TPM1: variants seen among roughly 807,000 people sequenced by gnomAD.
TPM1 encodes the protein tropomyosin alpha-1 chain.
TPM1 carries 24 observed loss-of-function variants against 42.9 expected under a neutral mutation model. The ratio of observed to expected loss-of-function variants is 0.56; its 90% CI spans 0.41 to 0.79. TPM1 has a LOEUF of 0.79. TPM1 is among the 30% of genes least tolerant of loss of function. TPM1 has a pLI of 0.00. For synonymous variants in TPM1, 136 were observed against 130.1 expected (o/e 1.05, Z -0.31); for missense variants, 158 against 351.8 (o/e 0.45, Z 4.41).
At chr15:63,062,396 C>A (rs1041229460) in intron 7 of TPM1, 119 bp downstream of exon 7, 3 of 1,302,626 alleles carry the variant, frequency 2.3e-6, no homozygotes, top group East Asian at 2.4e-5. Flanking sequence ...ATTCAAAGGT[C>A]GCCTTGGAGT....
chr15:63,043,528 G>A, intron 1 of TPM1: 1 of 1,008,030 alleles, frequency 9.9e-7, no homozygotes, highest in South Asian at 1.4e-5. Flanking sequence ...TGGGTGTGCG[G>A]GGTGAGCCGC....
At chr15:63,052,717 C>T (rs2034133163) in intron 2 of TPM1, among the ~76,000 whole-genome samples, 1 of 151,824 alleles carries the variant, frequency 6.6e-6, no homozygotes, top group African/African-American at 2.4e-5. Flanking sequence ...TAAGACTCCC[C>T]AGGTGCCATG....
chr15:63,062,751 C>T, intron 8 of TPM1, 106 bp downstream of exon 8: 2 of 1,586,782 alleles, frequency 1.3e-6, no homozygotes, highest in Non-Finnish European at 1.7e-6. Context: ...CTCCTTTGCA[C>T]TTGCACATTC....
intron 2 of TPM1, chr15:63,049,141 G>A: frequency 4.7e-6 from 1 of 215,032 alleles, no homozygotes; most frequent in Non-Finnish European, 9.6e-6. Flanking sequence ...AGGTCAAGTG[G>A]GAGAGGCACT....
chr15:63,050,641 T>A (rs1485180631), intron 2 of TPM1, among the ~76,000 whole-genome samples: 1 of 152,274 alleles, frequency 6.6e-6, no homozygotes, highest in South Asian at 2.1e-4. Context: ...TCAATTTTTT[T>A]AAGTAATCTT....
chr15:63,062,237 A>G lies in TPM1; in HGVS notation c.662A>G (p.Tyr221Cys). 6.2e-7 allele frequency: 1 copy of G among 1,614,178 alleles called. No individual in the cohort carries two copies. Among genetic ancestry groups the G allele is most frequent in the East Asian group, 2.2e-5 (1 of 44,868 alleles). Residue 221 changes from tyrosine (Y) to cysteine (C), a missense_variant, in exon 7 of 10, where the codon TAT becomes TGT. Physicochemically the swap from Tyr to Cys is radical, Grantham distance 194 (BLOSUM62 -2). Transcript: ENST00000403994. ...CAGTACTCGCAGAAGGAAGACAGAT[A>G]TGAGGAAGAGATCAAGGTCCTTTCC... ...AEKYSQKEDR[Y>C]EEEIKVLSDK...
At chr15:63,059,996 G>T in intron 4 of TPM1, 1 of 347,066 alleles carries the variant, frequency 2.9e-6, no homozygotes, top group South Asian at 2.3e-5. Context: ...TGTGAAAGGA[G>T]GCTCTCATGC....
chr15:63,068,343 C>G (rs1413997506), downstream of TPM1, among the ~76,000 whole-genome samples: 1 of 152,174 alleles, frequency 6.6e-6, no homozygotes, highest in Non-Finnish European at 1.5e-5. Flanking sequence ...TGACTGGGAG[C>G]TCCCTGGAGG....
chr15:63,048,672 C>T, intron 2 of TPM1: 1 of 1,539,346 alleles, frequency 6.5e-7, no homozygotes, highest in Non-Finnish European at 8.7e-7. Context: ...CACCCTGCAG[C>T]GCGAGCTGGA....
chr15:63,057,213 G>T (rs2034945120), intron 3 of TPM1, 95 bp downstream of exon 3: 22 of 1,547,360 alleles, frequency 1.4e-5, no homozygotes, highest in Non-Finnish European at 1.9e-5. Flanking sequence ...GAATTTTTCA[G>T]TCCCCTGGTG....
intron 4 of TPM1, 144 bp downstream of exon 4, chr15:63,059,824 T>A (rs1423314011): frequency 5.0e-6 from 3 of 603,494 alleles, no homozygotes; most frequent in Non-Finnish European, 9.2e-6. Flanking sequence ...AGTTCCTTTG[T>A]GTCCAGAAAA....
intron 2 of TPM1, chr15:63,044,353 C>T (rs932222400): frequency 1.3e-6 from 1 of 780,082 alleles, no homozygotes. Flanking sequence ...CTCCTCTCTT[C>T]TTCTCCTTTC....
chr15:63,069,926 G>T (rs1278964065), downstream of TPM1: 2 of 1,614,066 alleles, frequency 1.2e-6, no homozygotes, highest in Non-Finnish European at 1.7e-6. Context: ...ACTAAAGCTG[G>T]CCCTGAATGA....
chr15:63,061,774 G>T lies in TPM1; in HGVS notation c.625G>T (p.Ala209Ser), dbSNP rs730881159. Residue 209 changes from alanine to serine, a missense_variant, in exon 6 of 10, where the codon GCT becomes TCT. Physicochemically the swap from Ala to Ser is moderately conservative, Grantham distance 99. This residue lies in a region of TPM1 where 64 missense variants were observed against 95.8 expected (regional missense o/e 0.67). Coordinates refer to ENST00000403994, the MANE Select transcript of TPM1 (RefSeq NM_001018005.2). ...TVTNNLKSLE[A>S]QAEKYSQKED... ...GACGAACAACTTGAAGTCACTGGAG[G>T]CTCAGGCTGAGAAGGTAGGCCAGGA... The T allele has an allele frequency of 6.2e-7, 1 of 1,614,138 alleles. No homozygotes were observed. The highest frequency in any genetic ancestry group is 8.5e-7 in the Non-Finnish European group (1 of 1,179,992).
chr15:63,068,951 A>G (rs1389185239), downstream of TPM1, among the ~76,000 whole-genome samples: 2 of 151,814 alleles, frequency 1.3e-5, no homozygotes, highest in Admixed American at 6.6e-5. Context: ...GATTGAGACC[A>G]TTCTGGCTAA....
At chr15:63,065,425 G>A (rs1223952598) in intron 9 of TPM1, 29 of 1,026,970 alleles carry the variant, frequency 2.8e-5, no homozygotes, top group Non-Finnish European at 3.3e-5. Flanking sequence ...TGCTGCCTTA[G>A]AGGTTATAGA....
intron 3 of TPM1, 28 bp from the exon 4 acceptor site, chr15:63,059,535 G>C (rs1470712547): frequency 6.3e-7 from 1 of 1,577,158 alleles, no homozygotes; most frequent in Non-Finnish European, 8.7e-7. Context: ...TCTAAATCTT[G>C]GGTTTTCTTG....
chr15:63,043,789 G>C lies in TPM1; in HGVS notation c.115-238G>C, dbSNP rs730881126. On this transcript the variant is annotated intron_variant, in intron 1 of 9. Coordinates refer to ENST00000403994, the MANE Select transcript of TPM1 (RefSeq NM_001018005.2). ...ACCGGGTGCTGGAGGAGCTGCACAA[G>C]GCGGAGGACAGCCTCCTGGCCGCCG... 5.2e-6 allele frequency: 8 copies of C among 1,549,904 alleles called. No individual in the cohort carries two copies. The highest frequency in any genetic ancestry group is 7.0e-6 in the Non-Finnish European group (8 of 1,147,152).
intron 2 of TPM1, chr15:63,054,561 A>G (rs934931916): frequency 3.3e-5 from 5 of 152,254 alleles, no homozygotes; most frequent in African/African-American, 9.6e-5. Flanking sequence ...TCCCCAAAGC[A>G]TAAACAGTCG....
Sources: allele counts gnomAD v4.1 joint callset (sites outside exome capture counted in the v4.1 genomes callset), GRCh38; gene constraint gnomAD v4.1.1; regional missense constraint gnomAD v4.1.1; transcripts MANE v1.5; gene names NCBI Gene and HGNC (gene_info 2026-07-23, HGNC 2026-07-21).